ZGRF1: variants seen among roughly 807,000 people sequenced by gnomAD.
The protein encoded by ZGRF1 is zinc finger GRF-type containing 1.
A neutral mutation model predicts 203.5 loss-of-function variants in ZGRF1; 196 were observed. That is an observed-to-expected ratio of 0.96 (90% CI 0.86 to 1.08). The LOEUF (loss-of-function observed/expected upper bound fraction) is 1.08, where lower values mean the gene tolerates loss of function less well. Among genes scored for constraint, ZGRF1 ranks in the 50% least tolerant of loss-of-function variants. ZGRF1 has a pLI of 0.00. For missense variants in ZGRF1, 2,326 were observed against 2,416.3 expected (o/e 0.96, Z 0.78); for synonymous variants, 809 against 841.3 (o/e 0.96, Z 0.66).
In ZGRF1 at chr4:112,620,045, C is replaced by G. The variant is rs768493027; in HGVS notation, c.308G>C (p.Arg103Pro). 2 of 1,605,558 alleles carry G rather than the reference C, an allele frequency of 1.2e-6. No homozygotes were observed. Among genetic ancestry groups the G allele is most frequent in the Non-Finnish European group, 1.7e-6 (2 of 1,176,908 alleles). ...GCCAGAGGGCTGACATCCAAGAGAT[C>G]GGCCAGAGGATATAAATGTCCTTGA... ...LNSRTFISSG[R>P]SLGCQPSGLK... Residue 103 changes from arginine to proline, a missense_variant, in exon 5 of 28, where the codon CGA becomes CCA. Arg to Pro is a moderately radical substitution (Grantham distance 103, BLOSUM62 -2). Transcript: ENST00000505019.
chr4:112,599,427 T>G (rs1272439824), intron 10 of ZGRF1, among the ~76,000 whole-genome samples: 1 of 151,734 alleles, frequency 6.6e-6, no homozygotes, highest in Admixed American at 6.6e-5. Flanking sequence ...TAAAGATACA[T>G]AGGAAGTACA....
chr4:112,556,855 T>C (rs1007130630), intron 20 of ZGRF1, among the ~76,000 whole-genome samples: 2 of 152,170 alleles, frequency 1.3e-5, no homozygotes, highest in East Asian at 1.9e-4. Flanking sequence ...TAAAAATTAA[T>C]TTTTAAAAAG....
intron 15 of ZGRF1, among the ~76,000 whole-genome samples, chr4:112,582,836 G>T (rs1466119136): frequency 2.0e-5 from 3 of 152,092 alleles, no homozygotes; most frequent in Non-Finnish European, 4.4e-5. Context: ...GGCTGAGTAA[G>T]ATCCCATTGT....
rs764681904 is a variant in ZGRF1 at position 112,583,967 on chromosome 4, A to G, written c.4298+11T>C. 5.1e-6 allele frequency: 8 copies of G among 1,573,324 alleles called. No individual in the cohort carries two copies. Among genetic ancestry groups the G allele is most frequent in the African/African-American group, 2.7e-5 (2 of 73,354 alleles). ...TAATCACAGGCAATTATTTGGTACTATAAAACATACCTCACCAAAAGCTGG... is the reference window on the plus strand; with the variant it reads ...TAATCACAGGCAATTATTTGGTACTGTAAAACATACCTCACCAAAAGCTGG... On this transcript the variant is annotated intron_variant, in intron 15 of 27. Transcript: ENST00000505019.
intron 10 of ZGRF1, among the ~76,000 whole-genome samples, chr4:112,601,762 T>G (rs1750021846): frequency 6.6e-6 from 1 of 151,822 alleles, no homozygotes; most frequent in Non-Finnish European, 1.5e-5. Context: ...AAAGAAAAAT[T>G]TTTGATTCAT....
chr4:112,624,335 C>G (rs2047159968), intron 3 of ZGRF1, among the ~76,000 whole-genome samples: 1 of 151,796 alleles, frequency 6.6e-6, no homozygotes, highest in Non-Finnish European at 1.5e-5. Flanking sequence ...TGGCAAAACC[C>G]CATCTCTACT....
At chr4:112,567,823 C>T (rs4296733) in intron 16 of ZGRF1, among the ~76,000 whole-genome samples, 23,925 of 151,850 alleles carry the variant, frequency 0.16, 2,169 homozygotes, top group East Asian at 0.42. Context: ...CTAGTCAGAA[C>T]GCTGAGGTGG....
chr4:112,580,276 T>G (rs1269943675), intron 16 of ZGRF1, among the ~76,000 whole-genome samples: 1 of 135,000 alleles, frequency 7.4e-6, no homozygotes, highest in African/African-American at 2.6e-5. Flanking sequence ...AAAAATTAAT[T>G]CAAAATGGAT....
intron 24 of ZGRF1, among the ~76,000 whole-genome samples, chr4:112,541,478 G>A (rs752232628): frequency 2.0e-5 from 3 of 149,310 alleles, no homozygotes; most frequent in African/African-American, 7.4e-5. Flanking sequence ...TATAAAAGAC[G>A]TCAACCTTAG....
rs776894284 is a variant in ZGRF1 at position 112,540,905 on chromosome 4, G to C, written c.5826C>G (p.Leu1942=). The change falls in exon 26 of 28, where the codon CTC becomes CTG. Residue 1942 remains leucine (L), a synonymous_variant. Coordinates refer to ENST00000505019, the MANE Select transcript of ZGRF1 (RefSeq NM_018392.5). The part of the protein sequence containing the change: ...FHNVAEATFT[L]KLIQSLIASG... ...TTGCAATCAGTGATTGAATCAGCTT[G>C]AGTGTAAACGTAGCTTCTGCCACAT... 2 of 1,582,556 alleles carry C rather than the reference G, an allele frequency of 1.3e-6. No individual in the cohort carries two copies. Among genetic ancestry groups the C allele is most frequent in the Middle Eastern group, 1.7e-4 (1 of 6,042 alleles).
At chr4:112,611,505 C>T (rs949463512) in intron 7 of ZGRF1, among the ~76,000 whole-genome samples, 1 of 152,340 alleles carries the variant, frequency 6.6e-6, no homozygotes, top group African/African-American at 2.4e-5. Flanking sequence ...AATGAAAGAA[C>T]TGACCCTCCA....
chr4:112,612,743 TC>T (rs1306748348), intron 6 of ZGRF1, among the ~76,000 whole-genome samples, 155 bp from the exon 7 acceptor site: 1 of 152,214 alleles, frequency 6.6e-6, no homozygotes, highest in African/African-American at 2.4e-5. Context: ...ACTTGAGGAT[TC>T]ACTGTACTGT....
chr4:112,623,762 AT>A, intron 4 of ZGRF1, 54 bp downstream of exon 4: 1 of 855,788 alleles, frequency 1.2e-6, no homozygotes, highest in Non-Finnish European at 1.9e-6. Context: ...TAAAGGAGGT[AT>A]TTAAAGAGAT....
At chr4:112,584,263 A>G in intron 14 of ZGRF1, 89 bp from the exon 15 acceptor site, 1 of 774,974 alleles carries the variant, frequency 1.3e-6, no homozygotes, top group Middle Eastern at 2.5e-4. Context: ...TTCTATGAAG[A>G]CTGCTTGGCA....
Position 112,610,884 on chromosome 4 carries a change from T to C in ZGRF1, c.2668-1455A>G, listed in dbSNP as rs773607833. 10 of 240,486 alleles carry C rather than the reference T, an allele frequency of 4.2e-5. No individual in the cohort carries two copies. The South Asian group carries it at 4.2e-4, about 10-fold the overall frequency. 14.9% of individuals were successfully genotyped at this position (240,486 alleles called of 1,614,324 possible). A position where few individuals can be genotyped will look rare whatever the true frequency, so the allele number is the denominator to read the frequency against. ...TTAATAATGTAAGATAATACAACGA[T>C]ATTAAGGGGAAAGGATATAAAACTA... On this transcript the variant is annotated intron_variant, in intron 7 of 27. Transcript: ENST00000505019.
rs779352640 is a variant in ZGRF1, at chr4:112,586,581, C to G, written c.3780G>C (p.Glu1260Asp). Residue 1260 changes from glutamate to aspartate, a missense_variant and splice_region_variant, in exon 13 of 28, where the codon GAG becomes GAC. Glu to Asp is a conservative substitution (Grantham distance 45). Coordinates refer to ENST00000505019, the MANE Select transcript of ZGRF1 (RefSeq NM_018392.5). Reference sequence around the variant, plus strand: ...GAAAGCACAGCTCAGAGCCACTTATCTCCTGCAATGGAATAATTCAAGTTA... The same window carrying G: ...GAAAGCACAGCTCAGAGCCACTTATGTCCTGCAATGGAATAATTCAAGTTA... ...CYNYSVKDLQ[E>D]ISGSELCFPS... is the part of the protein sequence containing the mutation. 2 of 1,601,706 alleles carry G rather than the reference C, an allele frequency of 1.2e-6. No homozygotes were observed. The highest frequency in any genetic ancestry group is 2.2e-5 in the South Asian group (2 of 89,162).
At chr4:112,576,005 T>C (rs1479228386) in intron 16 of ZGRF1, among the ~76,000 whole-genome samples, 1 of 152,140 alleles carries the variant, frequency 6.6e-6, no homozygotes, top group Non-Finnish European at 1.5e-5. Flanking sequence ...GACCCCCAAG[T>C]AGCCTAACTG....
At chr4:112,612,920 A>T (rs1056694928) in intron 6 of ZGRF1, among the ~76,000 whole-genome samples, 1 of 150,408 alleles carries the variant, frequency 6.6e-6, no homozygotes, top group Non-Finnish European at 1.5e-5. Flanking sequence ...CTATACTAAA[A>T]ATGCTAAAAA....
At chr4:112,557,522 G>A (rs2148877163) in intron 20 of ZGRF1, among the ~76,000 whole-genome samples, 1 of 152,260 alleles carries the variant, frequency 6.6e-6, no homozygotes, top group South Asian at 2.1e-4. Flanking sequence ...TTCTAGATCA[G>A]AGACAAAGGA....
Sources: gnomAD v4.1 joint callset for allele counts (sites outside exome capture counted in the v4.1 genomes callset) on GRCh38, gnomAD v4.1.1 for gene constraint, MANE v1.5 for transcripts, NCBI Gene and HGNC (gene_info 2026-07-23, HGNC 2026-07-21) for gene names.